Variants in CFHR4 observed in about 807,000 individuals in gnomAD.
CFHR4 encodes the protein complement factor H related 4.
CFHR4 carries 64 observed loss-of-function variants against 69.3 expected under a neutral mutation model. The observed-to-expected ratio is 0.92, with a 90% CI of 0.76 to 1.14. CFHR4 has a LOEUF of 1.14. Among genes scored for constraint, CFHR4 ranks in the 50% most tolerant of loss-of-function variants. CFHR4 has a pLI of 0.00. For missense variants in CFHR4, 636 were observed against 684.9 expected, an observed-to-expected ratio of 0.93 and a Z score of 0.80; for synonymous variants, 244 against 237.0, an observed-to-expected ratio of 1.03 and a Z score of -0.27.
rs190175004 is a variant in CFHR4 at position 196,904,988 on chromosome 1, T to C, written c.257-120T>C. 4.1e-4 allele frequency: 414 copies of C among 1,004,034 alleles called. 16 individuals carry two copies. In the African/African-American group the frequency reaches 6.7e-3, roughly 16 times the overall value. 62.2% of individuals were successfully genotyped at this position (1,004,034 alleles called of 1,614,324 possible). A position where few individuals can be genotyped will look rare whatever the true frequency, so the allele number is the denominator to read the frequency against. ...GTCTAGGAAACTTCCAGTTTTGCTG[T>C]TTTCAATTCATTAACAGATGTTTCA... On this transcript the variant is annotated intron_variant, in intron 2 of 9. Transcript: ENST00000608469.
At position 196,906,728 on chromosome 1, in the gene CFHR4, G is replaced by A. The variant is rs139173970; in HGVS notation, c.440-133G>A. 813 of 875,000 alleles carry A rather than the reference G, an allele frequency of 9.3e-4. 25 individuals are homozygous for A. The African/African-American group carries it at 0.013, about 14-fold the overall frequency. The allele number at this position is 875,000 out of a possible 1,614,324, so 54.2% of individuals were successfully genotyped here. On this transcript the variant is annotated intron_variant, in intron 3 of 9. Coordinates refer to ENST00000608469, the MANE Select transcript of CFHR4 (RefSeq NM_001201550.3). Reference sequence around the variant, plus strand: ...TAGCACAAAAAAAACACTGATTGTCGGACTATTTTTAATAGTACTCAATTT... The same window carrying A: ...TAGCACAAAAAAAACACTGATTGTCAGACTATTTTTAATAGTACTCAATTT...
intron 1 of CFHR4, among the ~76,000 whole-genome samples, chr1:196,900,190 A>C (rs1023008828): frequency 1.3e-5 from 2 of 151,430 alleles, no homozygotes; most frequent in Non-Finnish European, 2.9e-5. Flanking sequence ...GGTCAGTTTG[A>C]GTTAACATTG....
At chr1:196,894,896 A>AACAACAACT (rs1286634030) in intron 1 of CFHR4, among the ~76,000 whole-genome samples, 2 of 150,640 alleles carry the variant, frequency 1.3e-5, no homozygotes, top group Non-Finnish European at 3.0e-5. Context: ...TAAAAACAAC[A>AACAACAACT]ACAACAACAA....
At chr1:196,899,327 C>T (rs1657473158) in intron 1 of CFHR4, among the ~76,000 whole-genome samples, 1 of 151,468 alleles carries the variant, frequency 6.6e-6, no homozygotes, top group African/African-American at 2.4e-5. Flanking sequence ...CAAGGTCTTC[C>T]TCTGTTGCCC....
intron 1 of CFHR4, among the ~76,000 whole-genome samples, chr1:196,899,558 G>T (rs1249822098): frequency 6.6e-6 from 1 of 151,580 alleles, no homozygotes; most frequent in African/African-American, 2.4e-5. Flanking sequence ...GCCTCCCAAG[G>T]TGTTCGGATT....
Position 196,907,483 on chromosome 1 carries a change from C to A in CFHR4, c.784C>A (p.Pro262Thr). Residue 262 changes from proline (P) to threonine (T), a missense_variant, in exon 5 of 10, where the codon CCA becomes ACA. By Grantham distance (38) the Pro-to-Thr change is conservative. Around this residue, in one of 3 missense-constraint regions of CFHR4, gnomAD observed 529 missense variants for 533.2 expected, o/e 0.99. Coordinates refer to ENST00000608469, the MANE Select transcript of CFHR4 (RefSeq NM_001201550.3). Reference protein sequence around the residue: ...VTCSNGDWSEPPRCISMKPCE... With the variant: ...VTCSNGDWSETPRCISMKPCE... ...ATGTAGTAATGGAGACTGGTCAGAACCACCAAGATGCATATGTAAGTTCTT... is the reference window on the plus strand; with the variant it reads ...ATGTAGTAATGGAGACTGGTCAGAAACACCAAGATGCATATGTAAGTTCTT... The A allele has an allele frequency of 6.2e-7, 1 of 1,609,838 alleles. No homozygotes were observed. Among genetic ancestry groups the A allele is most frequent in the Non-Finnish European group, 8.5e-7 (1 of 1,177,688 alleles).
chr1:196,913,295 A>G lies in CFHR4; in HGVS notation c.1180+373A>G, dbSNP rs532863505. On this transcript the variant is annotated intron_variant, in intron 7 of 9. Transcript: ENST00000608469. ...TGCTTGTATTGCATTCCTTGCTCAC[A>G]CTCAGAAAAGTTGTACATGTCGGGG... 2.1e-4 allele frequency among the ~76,000 whole-genome samples: 32 copies of G among 151,582 alleles called. 1 individual carries two copies. Among genetic ancestry groups the G allele is most frequent in the African/African-American group, 7.0e-4 (29 of 41,154 alleles).
intron 1 of CFHR4, among the ~76,000 whole-genome samples, chr1:196,898,565 C>G (rs1657430414): frequency 6.6e-6 from 1 of 151,476 alleles, no homozygotes; most frequent in South Asian, 2.1e-4. Context: ...CTTCCAATGT[C>G]CAAAATAATA....
Position 196,888,110 on chromosome 1 carries a change from A to G in CFHR4, c.-41A>G. ...AAGATTTCAAACCCCAAACAGTGCA[A>G]CTGAAACTTTTGCATTACTATACTA... On this transcript the variant is annotated 5_prime_UTR_variant, in exon 1 of 10. Transcript: ENST00000608469. 1 of 1,592,398 alleles carries G rather than the reference A, an allele frequency of 6.3e-7. No individual in the cohort carries two copies. The highest frequency in any genetic ancestry group is 1.1e-5 in the South Asian group (1 of 90,498).
In CFHR4 at chr1:196,891,211, T is replaced by C. The variant is rs528174233; in HGVS notation, c.58+3003T>C. 2.0e-3 allele frequency among the ~76,000 whole-genome samples: 298 copies of C among 151,662 alleles called. 3 individuals are homozygous for C. Among genetic ancestry groups the C allele is most frequent in the Non-Finnish European group, 3.3e-3 (222 of 67,930 alleles). On this transcript the variant is annotated intron_variant, in intron 1 of 9. Transcript: ENST00000608469. ...AGGTTGCAGTGAGCCAAGATCACTC[T>C]ACTGAACTCCAGCCTTGGCGACAGA...
At chr1:196,889,743 C>T (rs1656918353) in intron 1 of CFHR4, among the ~76,000 whole-genome samples, 1 of 150,706 alleles carries the variant, frequency 6.6e-6, no homozygotes, top group Non-Finnish European at 1.5e-5. Flanking sequence ...GTCCAAATTC[C>T]CAATACCTGA....
Position 196,893,379 on chromosome 1 carries a change from A to G in CFHR4, c.58+5171A>G, listed in dbSNP as rs528075162. 6.2e-4 allele frequency among the ~76,000 whole-genome samples: 94 copies of G among 151,602 alleles called. 4 individuals carry two copies. The highest frequency in any genetic ancestry group is 2.2e-3 in the African/African-American group (89 of 41,198). On this transcript the variant is annotated intron_variant, in intron 1 of 9. Coordinates refer to ENST00000608469, the MANE Select transcript of CFHR4 (RefSeq NM_001201550.3). ...GGTCGAGTGACTTTCTAAAAGGGTG[A>G]CCTTTACAGATATTGCCATATGTTG...
In CFHR4 at chr1:196,914,828, C is replaced by T. The variant is rs188087416; in HGVS notation, c.1358-128C>T. On this transcript the variant is annotated intron_variant, in intron 8 of 9. Transcript: ENST00000608469. ...TGAGACTTAAAAAAAAAAAAAACAA[C>T]GTTGAAAATGCAGATGTCTTCCTAA... The T allele has an allele frequency of 2.0e-5, 29 of 1,439,162 alleles. No individual in the cohort carries two copies. In the Admixed American group the frequency reaches 6.1e-4, roughly 30 times the overall value. 89.1% of individuals were successfully genotyped at this position (1,439,162 alleles called of 1,614,324 possible).
At chr1:196,907,746 A>G (rs1657993053) in intron 5 of CFHR4, among the ~76,000 whole-genome samples, 1 of 151,552 alleles carries the variant, frequency 6.6e-6, no homozygotes, top group African/African-American at 2.4e-5. Flanking sequence ...GGACACAATG[A>G]GTCTTCAAGA....
intron 2 of CFHR4, among the ~76,000 whole-genome samples, chr1:196,903,621 C>G (rs1272956209): frequency 1.3e-5 from 2 of 150,372 alleles, no homozygotes; most frequent in African/African-American, 4.9e-5. Flanking sequence ...CCACTGCACT[C>G]CAGACTCGGT....
chr1:196,917,311 A>T (rs1417743202), intron 9 of CFHR4, among the ~76,000 whole-genome samples: 1 of 151,910 alleles, frequency 6.6e-6, no homozygotes, highest in Non-Finnish European at 1.5e-5. Flanking sequence ...ATCATGTAAG[A>T]ATTAGGCTTA....
chr1:196,890,328 T>A (rs1656955081), intron 1 of CFHR4, among the ~76,000 whole-genome samples: 1 of 151,602 alleles, frequency 6.6e-6, no homozygotes. Context: ...CTTTGTGAGT[T>A]GCCTATGCTA....
intron 7 of CFHR4, 143 bp from the exon 8 acceptor site, chr1:196,914,352 A>C: frequency 1.4e-6 from 1 of 711,432 alleles, no homozygotes; most frequent in Non-Finnish European, 2.1e-6. Context: ...CACAAAAAGC[A>C]CTGATTGTCA....
Position 196,918,379 on chromosome 1 carries a change from C to G in CFHR4, c.1710C>G (p.Gly570=), listed in dbSNP as rs372354422. The G allele has an allele frequency of 4.7e-4, 750 of 1,611,752 alleles. 22 individuals are homozygous for G. The African/African-American group carries it at 5.4e-3, about 12-fold the overall frequency. The change falls in exon 10 of 10, where the codon GGC becomes GGG. Residue 570 remains glycine, a synonymous_variant. Transcript: ENST00000608469. The part of the protein sequence containing the change: ...VLSFQAVCRE[G]IVEYPRCE The stretch of plus-strand genomic sequence containing the variant: ...CATTTCAAGCAGTGTGTAGGGAAGG[C>G]ATAGTGGAATACCCCAGATGCGAAT...
Sources: gnomAD v4.1 joint callset for allele counts (sites outside exome capture counted in the v4.1 genomes callset) on GRCh38, gnomAD v4.1.1 for gene constraint, gnomAD v4.1.1 regional missense constraint, MANE v1.5 for transcripts, NCBI Gene and HGNC (gene_info 2026-07-23, HGNC 2026-07-21) for gene names.